Variants in OVCH2 observed in about 807,000 individuals in gnomAD.
OVCH2 encodes the protein ovochymase 2, also known as ovochymase-2.
Under a neutral mutation model 73.7 loss-of-function variants are expected in OVCH2, and 88 were observed. The observed-to-expected ratio is 1.19, with a 90% confidence interval of 1.01 to 1.43. The LOEUF (loss-of-function observed/expected upper bound fraction) is 1.43. OVCH2 is among the 40% of genes most tolerant of loss of function. OVCH2 has a pLI of 0.00. For missense variants in OVCH2, 706 were observed against 674.5 expected (o/e 1.05, Z -0.52); for synonymous variants, 265 against 234.5 (o/e 1.13, Z -1.19).
At chr11:7,694,992 C>T (rs1022509322) in intron 12 of OVCH2, 66 bp downstream of exon 12, 46 of 1,500,566 alleles carry the variant, frequency 3.1e-5, no homozygotes, top group Non-Finnish European at 4.0e-5. Context: ...CCTCTGACCT[C>T]ATGGTGCTTA....
chr11:7,678,777 G>C, the OVCH2 span, among the ~76,000 whole-genome samples: 2 of 152,174 alleles, frequency 1.3e-5, no homozygotes, highest in Admixed American at 6.5e-5. Flanking sequence ...AGCCACTGGG[G>C]ACTGCTAGAA....
intron 7 of OVCH2, chr11:7,699,135 T>A (rs1458641695): frequency 5.6e-6 from 1 of 178,578 alleles, no homozygotes; most frequent in Non-Finnish European, 1.2e-5. Flanking sequence ...CTCAGATACC[T>A]GCCACTGTAC....
At chr11:7,695,513 GGC>G in intron 11 of OVCH2, 55 bp downstream of exon 11, 1 of 1,507,244 alleles carries the variant, frequency 6.6e-7, no homozygotes, top group African/African-American at 1.4e-5. Flanking sequence ...ATTCCTATGG[GGC>G]CTAAGCTTCT....
intron 12 of OVCH2, among the ~76,000 whole-genome samples, chr11:7,694,720 C>T (rs1856291779): frequency 6.6e-6 from 1 of 151,364 alleles, no homozygotes; most frequent in Non-Finnish European, 1.5e-5. Context: ...CGGGTTCAAG[C>T]AATTCTCCAG....
intron 7 of OVCH2, chr11:7,699,431 C>G (rs928020906): frequency 6.6e-6 from 1 of 152,262 alleles, no homozygotes; most frequent in African/African-American, 2.4e-5. Context: ...TTGCATGTAA[C>G]CTAGGCATGT....
At chr11:7,701,526 G>A (rs376876005) in intron 5 of OVCH2, 51 bp from the exon 6 acceptor site, 1 of 1,578,720 alleles carries the variant, frequency 6.3e-7, no homozygotes, top group African/African-American at 1.4e-5. Context: ...CACCCTTTCT[G>A]AGTTGAAGAT....
chr11:7,691,428 ATT>A (rs772510183), intron 13 of OVCH2, 28 bp from the exon 14 acceptor site: 1 of 1,602,546 alleles, frequency 6.2e-7, no homozygotes, highest in Non-Finnish European at 8.5e-7. Flanking sequence ...CAGGCATGAC[ATT>A]GTCAAGCACC....
At chr11:7,682,113 G>A in the OVCH2 span, among the ~76,000 whole-genome samples, 1 of 152,138 alleles carries the variant, frequency 6.6e-6, no homozygotes, top group Non-Finnish European at 1.5e-5. Flanking sequence ...TTTTCATAGA[G>A]CTATATAGTT....
downstream of OVCH2, among the ~76,000 whole-genome samples, chr11:7,685,022 A>G (rs946383302): frequency 6.6e-6 from 1 of 152,196 alleles, no homozygotes; most frequent in Non-Finnish European, 1.5e-5. Context: ...TGCTTTAAAC[A>G]CTGGGACTCA....
the OVCH2 span, among the ~76,000 whole-genome samples, chr11:7,681,857 A>G: frequency 1.3e-5 from 2 of 150,566 alleles, no homozygotes; most frequent in African/African-American, 4.9e-5. Flanking sequence ...AATGTCCAAA[A>G]AAAAAAAAAA....
chr11:7,681,013 G>A, the OVCH2 span, among the ~76,000 whole-genome samples: 1 of 152,126 alleles, frequency 6.6e-6, no homozygotes, highest in Non-Finnish European at 1.5e-5. Flanking sequence ...TCAGCTCATT[G>A]TCTCTGCCAG....
Position 7,692,092 on chromosome 11 carries a change from A to G in OVCH2, c.1414-97T>C, listed in dbSNP as rs77309221. 1.3e-4 allele frequency: 109 copies of G among 832,918 alleles called. No individual in the cohort carries two copies. The African/African-American group carries it at 1.7e-3, about 13-fold the overall frequency. 51.6% of individuals were successfully genotyped at this position (832,918 alleles called of 1,614,324 possible). A position where few individuals can be genotyped will look rare whatever the true frequency, so the allele number is the denominator to read the frequency against. On this transcript the variant is annotated intron_variant, in intron 12 of 15. Coordinates refer to ENST00000533663, the MANE Select transcript of OVCH2 (RefSeq NM_198185.7). ...ATTTGGATTGCTCAACTTGTTCTGG[A>G]GTAAGACCTTAGATAAGAAAGTTAA... is the stretch of plus-strand genomic sequence containing the variant.
intron 2 of OVCH2, among the ~76,000 whole-genome samples, chr11:7,704,295 C>T (rs1328173920): frequency 1.3e-5 from 2 of 152,142 alleles, no homozygotes; most frequent in African/African-American, 4.8e-5. Flanking sequence ...ACCCCTATAG[C>T]TTCTTCAAGC....
downstream of OVCH2, among the ~76,000 whole-genome samples, chr11:7,686,862 G>A (rs1044892428): frequency 3.3e-5 from 5 of 152,194 alleles, no homozygotes; most frequent in African/African-American, 1.2e-4. Context: ...CCCAGAGGCT[G>A]TTTCATCAAA....
downstream of OVCH2, among the ~76,000 whole-genome samples, chr11:7,688,951 A>C (rs986332011): frequency 6.6e-6 from 1 of 152,190 alleles, no homozygotes; most frequent in African/African-American, 2.4e-5. Context: ...TTCACTCGAG[A>C]TGAGAATTTA....
At chr11:7,689,422 G>A (rs1856176758), downstream of OVCH2, 3 of 292,770 alleles carry the variant, frequency 1.0e-5, no homozygotes, top group South Asian at 9.9e-5. Flanking sequence ...CCATGACAAA[G>A]TACCACAAAC....
intron 6 of OVCH2, among the ~76,000 whole-genome samples, chr11:7,700,809 G>A (rs1258709186): frequency 2.0e-5 from 3 of 152,176 alleles, no homozygotes; most frequent in Admixed American, 2.0e-4. Context: ...TGGTTAGTAG[G>A]AAGAATGGAG....
the OVCH2 span, among the ~76,000 whole-genome samples, chr11:7,684,078 C>T: frequency 4.6e-5 from 7 of 151,406 alleles, no homozygotes; most frequent in Non-Finnish European, 8.8e-5. Flanking sequence ...CTTCCCCATC[C>T]CCACTAGACT....
chr11:7,691,101 G>A (rs72852406), intron 14 of OVCH2, 168 bp downstream of exon 14: 32,290 of 814,576 alleles, frequency 0.04, 797 homozygotes, highest in Middle Eastern at 0.089. Flanking sequence ...CATTTCCTAG[G>A]AGGGATGGCT....
Sources: gnomAD v4.1 joint callset for allele counts (sites outside exome capture counted in the v4.1 genomes callset) on GRCh38, gnomAD v4.1.1 for gene constraint, MANE v1.5 for transcripts, NCBI Gene and HGNC (gene_info 2026-07-23, HGNC 2026-07-21) for gene names.